Variants in PRR16 observed in about 807,000 individuals in gnomAD.
PRR16 encodes protein Largen.
In PRR16, 6 loss-of-function variants were observed where a neutral mutation model predicts 18.2. The ratio of observed to expected loss-of-function variants is 0.33; its 90% CI spans 0.18 to 0.65. The LOEUF is 0.65. Ranked by LOEUF, PRR16 falls within the 30% of genes least tolerant of loss-of-function variation. PRR16 has a pLI of 0.74. For missense variants in PRR16, 412 were observed against 376.6 expected, an observed-to-expected ratio of 1.09 and a Z score of -0.78; for synonymous variants, 151 against 147.8, an observed-to-expected ratio of 1.02 and a Z score of -0.16.
At chr5:120,468,645 C>T (rs1392362253) in intron 1 of PRR16, among the ~76,000 whole-genome samples, 2 of 152,146 alleles carry the variant, frequency 1.3e-5, no homozygotes, top group South Asian at 2.1e-4. Context: ...TATGCCTGTT[C>T]TTTTATGAAG....
the PRR16 span, among the ~76,000 whole-genome samples, chr5:120,702,631 C>G: frequency 1.3e-5 from 2 of 152,286 alleles, no homozygotes; most frequent in African/African-American, 4.8e-5. Context: ...GGAAGGCTGC[C>G]TTCCCAGTCC....
chr5:120,654,062 A>T (rs540540160), intron 1 of PRR16, among the ~76,000 whole-genome samples: 1 of 152,158 alleles, frequency 6.6e-6, no homozygotes, highest in Admixed American at 6.6e-5. Flanking sequence ...TAACTAGTAG[A>T]TGTGACAGAT....
the PRR16 span, chr5:120,790,210 C>T: frequency 1.3e-5 from 2 of 152,104 alleles, no homozygotes; most frequent in African/African-American, 4.8e-5. Context: ...AATCTCTTCA[C>T]TCAGAAATTA....
chr5:120,605,271 A>T (rs181181516), intron 1 of PRR16, among the ~76,000 whole-genome samples: 365 of 152,104 alleles, frequency 2.4e-3, no homozygotes, highest in Non-Finnish European at 3.3e-3. Flanking sequence ...TTTCTACTTG[A>T]GTTGATTCAT....
At chr5:120,717,945 G>A in the PRR16 span, among the ~76,000 whole-genome samples, 1 of 152,092 alleles carries the variant, frequency 6.6e-6, no homozygotes, top group Admixed American at 6.6e-5. Flanking sequence ...AATATGTAAA[G>A]TAGCAGCAAT....
chr5:120,781,387 A>T, the PRR16 span: 2 of 152,208 alleles, frequency 1.3e-5, no homozygotes, highest in Admixed American at 1.3e-4. Context: ...CTTTTGATGA[A>T]AATGGGAATG....
At chr5:120,610,507 G>A (rs1754298204) in intron 1 of PRR16, among the ~76,000 whole-genome samples, 1 of 151,890 alleles carries the variant, frequency 6.6e-6, no homozygotes, top group African/African-American at 2.4e-5. Flanking sequence ...CCCGTGTTGT[G>A]GGAGGGACCC....
At chr5:120,538,864 G>A (rs924857596) in intron 1 of PRR16, among the ~76,000 whole-genome samples, 1 of 152,212 alleles carries the variant, frequency 6.6e-6, no homozygotes, top group Non-Finnish European at 1.5e-5. Flanking sequence ...GCCTGCTTAG[G>A]GCTACTGCTG....
At chr5:120,528,454 G>A (rs1221978915) in intron 1 of PRR16, among the ~76,000 whole-genome samples, 2 of 152,146 alleles carry the variant, frequency 1.3e-5, no homozygotes, top group African/African-American at 2.4e-5. Context: ...CTGGTGATGG[G>A]GTAGAGAAAA....
chr5:120,728,821 G>A, the PRR16 span, among the ~76,000 whole-genome samples: 1 of 152,156 alleles, frequency 6.6e-6, no homozygotes, highest in Non-Finnish European at 1.5e-5. Context: ...ATATGTCGGT[G>A]ATTATGTTTG....
chr5:120,480,321 A>G (rs1396127091), intron 1 of PRR16, among the ~76,000 whole-genome samples: 1 of 152,162 alleles, frequency 6.6e-6, no homozygotes, highest in Non-Finnish European at 1.5e-5. Context: ...ATACTGTCCA[A>G]TGAATTCCAA....
chr5:120,572,558 A>G (rs751277505), intron 1 of PRR16, among the ~76,000 whole-genome samples: 1 of 152,122 alleles, frequency 6.6e-6, no homozygotes, highest in African/African-American at 2.4e-5. Context: ...TGTTAGATAT[A>G]TAAGTCAGGA....
At chr5:120,763,426 G>A in the PRR16 span, among the ~76,000 whole-genome samples, 2 of 152,012 alleles carry the variant, frequency 1.3e-5, no homozygotes, top group Admixed American at 6.6e-5. Flanking sequence ...GAGCCACCAC[G>A]CCTGGCCTGC....
chr5:120,617,210 A>G, intron 1 of PRR16: 1 of 978,268 alleles, frequency 1.0e-6, no homozygotes, highest in Non-Finnish European at 1.2e-6. Flanking sequence ...CCACCTTAAC[A>G]TGATGTTTGC....
At chr5:120,671,673 A>T (rs1756611061) in intron 1 of PRR16, among the ~76,000 whole-genome samples, 1 of 152,198 alleles carries the variant, frequency 6.6e-6, no homozygotes, top group South Asian at 2.1e-4. Context: ...AAAACATGTC[A>T]AAATGTCATT....
chr5:120,643,240 C>A (rs191243617), intron 1 of PRR16, among the ~76,000 whole-genome samples: 1 of 151,590 alleles, frequency 6.6e-6, no homozygotes, highest in Admixed American at 6.6e-5. Flanking sequence ...TTGTTTGAGA[C>A]CCACAAATTG....
At chr5:120,755,798 G>T in the PRR16 span, among the ~76,000 whole-genome samples, 3 of 152,022 alleles carry the variant, frequency 2.0e-5, no homozygotes, top group Non-Finnish European at 2.9e-5. Context: ...CCAGGTTCTT[G>T]TTGTTTTAAA....
chr5:120,464,510 C>A lies in PRR16; in HGVS notation c.24C>A (p.Asn8Lys). The change falls in exon 1 of 2, where the codon AAC becomes AAA. Residue 8 changes from asparagine to lysine, a missense_variant. By Grantham distance (94) the Asn-to-Lys change is moderately conservative (BLOSUM62 0). Transcript: ENST00000407149. MSAKSKG[N>K]PSSSCPAEGP... Reference sequence around the variant, plus strand: ...GAATGTCAGCCAAGTCCAAGGGGAACCCCTCCTCGTCCTGTCCAGCCGAGG... The same window carrying A: ...GAATGTCAGCCAAGTCCAAGGGGAAACCCTCCTCGTCCTGTCCAGCCGAGG... 1.9e-6 allele frequency: 3 copies of A among 1,591,506 alleles called. No individual in the cohort carries two copies. The highest frequency in any genetic ancestry group is 2.2e-5 in the South Asian group (2 of 89,232).
chr5:120,764,760 T>G, the PRR16 span, among the ~76,000 whole-genome samples: 1 of 152,144 alleles, frequency 6.6e-6, no homozygotes, highest in Non-Finnish European at 1.5e-5. Context: ...TCATCCTCAA[T>G]TACCTGTCAA....
Sources: gnomAD v4.1 joint callset for allele counts (sites outside exome capture counted in the v4.1 genomes callset) on GRCh38, gnomAD v4.1.1 for gene constraint, MANE v1.5 for transcripts, NCBI Gene and HGNC (gene_info 2026-07-23, HGNC 2026-07-21) for gene names.